The following DAB1 variants were observed in gnomAD, a reference collection of about 807,000 sequenced individuals.
The protein encoded by DAB1 is disabled homolog 1.
Under a neutral mutation model 64.6 loss-of-function variants are expected in DAB1, and 15 were observed. The ratio of observed to expected loss-of-function variants is 0.23; its 90% CI spans 0.16 to 0.36. The LOEUF (loss-of-function observed/expected upper bound fraction) is 0.36. Among genes scored for constraint, DAB1 ranks in the 10% least tolerant of loss-of-function variants. The pLI, the probability that DAB1 is intolerant of heterozygous loss-of-function variation, is 1.00. For missense variants in DAB1, 596 were observed against 706.7 expected (o/e 0.84, Z 1.78); for synonymous variants, 235 against 251.9 (o/e 0.93, Z 0.64).
intron 1 of DAB1, among the ~76,000 whole-genome samples, chr1:57,406,034 C>T (rs1312751444): frequency 6.6e-6 from 1 of 152,218 alleles, no homozygotes; most frequent in Non-Finnish European, 1.5e-5. Flanking sequence ...TGCCACCCCG[C>T]CACTTTATGA....
At chr1:58,247,258 T>TCCCC (rs753824873) in intron 4 of DAB1, among the ~76,000 whole-genome samples, 2 of 112,048 alleles carry the variant, frequency 1.8e-5, no homozygotes, top group East Asian at 3.2e-4. Flanking sequence ...ATTTTTCATT[T>TCCCC]CCCCCCCCGC....
At chr1:58,245,647 G>T (rs1178432694) in intron 4 of DAB1, among the ~76,000 whole-genome samples, 3 of 151,258 alleles carry the variant, frequency 2.0e-5, no homozygotes, top group Non-Finnish European at 2.9e-5. Flanking sequence ...TTTTTTTTCT[G>T]ACCTGACCAA....
intron 4 of DAB1, among the ~76,000 whole-genome samples, chr1:58,172,750 T>A (rs1656246648): frequency 6.6e-6 from 1 of 152,172 alleles, no homozygotes. Flanking sequence ...TAACTGTAGT[T>A]GAAAGTAAGC....
chr1:57,692,655 A>C (rs1646778087), intron 6 of DAB1, among the ~76,000 whole-genome samples: 2 of 152,138 alleles, frequency 1.3e-5, no homozygotes, highest in South Asian at 4.2e-4. Context: ...CTTATGTTGA[A>C]CTTTCAACCT....
At chr1:57,172,807 A>G (rs528605818) in intron 2 of DAB1, among the ~76,000 whole-genome samples, 73 of 152,246 alleles carry the variant, frequency 4.8e-4, no homozygotes, top group African/African-American at 1.6e-3. Flanking sequence ...ATCTCCCATT[A>G]GGCCCCACCT....
intron 2 of DAB1, among the ~76,000 whole-genome samples, chr1:57,259,177 G>C (rs1157628673): frequency 6.6e-6 from 1 of 152,106 alleles, no homozygotes; most frequent in Non-Finnish European, 1.5e-5. Context: ...TTCCCTCTTT[G>C]CAACCAGGCC....
downstream of DAB1, among the ~76,000 whole-genome samples, chr1:57,823,543 A>G (rs1160205134): frequency 6.6e-6 from 1 of 152,142 alleles, no homozygotes; most frequent in African/African-American, 2.4e-5. Context: ...CTAGAAAGAA[A>G]TAGATAATCA....
chr1:57,149,327 C>A (rs1292763607), intron 2 of DAB1, among the ~76,000 whole-genome samples: 3 of 152,260 alleles, frequency 2.0e-5, no homozygotes, highest in South Asian at 4.1e-4. Flanking sequence ...ATATTCAATT[C>A]TCTTAAAATT....
rs1297192273 is a variant in DAB1, at chr1:58,102,909, A to T, written n.387+47602T>A. ...TTGGCAGTAGATAAAGGCAAGGGAC[A>T]GGGCTTACCTTCAGGAACAGAGGGT... On this transcript the variant is annotated intron_variant and non_coding_transcript_variant, in intron 5 of 20. Coordinates refer to the DAB1 transcript ENST00000485760. Among the ~76,000 whole-genome samples the T allele has an allele frequency of 2.6e-5, 4 of 152,332 alleles. 1 individual carries two copies. The South Asian group carries it at 8.3e-4, about 32-fold the overall frequency.
chr1:57,949,568 T>A (rs59439812), intron 5 of DAB1, among the ~76,000 whole-genome samples: 57,198 of 126,948 alleles, frequency 0.45, 11,663 homozygotes, highest in Admixed American at 0.52. Flanking sequence ...ACACACACAA[T>A]ATATATATAT....
intron 1 of DAB1, among the ~76,000 whole-genome samples, chr1:57,348,372 A>T (rs1678291158): frequency 4.6e-5 from 7 of 152,170 alleles, no homozygotes; most frequent in Admixed American, 4.6e-4. Context: ...AGAGTTTAGA[A>T]GGCAAGTCTT....
intron 7 of DAB1, among the ~76,000 whole-genome samples, chr1:57,562,698 A>C (rs1374260779): frequency 1.3e-5 from 2 of 152,016 alleles, no homozygotes; most frequent in Non-Finnish European, 2.9e-5. Flanking sequence ...CCACTAGCAA[A>C]ATTTTTGCTT....
intron 7 of DAB1, among the ~76,000 whole-genome samples, chr1:57,509,188 C>A (rs1432481130): frequency 6.6e-6 from 1 of 152,030 alleles, no homozygotes; most frequent in Non-Finnish European, 1.5e-5. Context: ...TCGCTAAAAC[C>A]TCCTCAAAAG....
intron 6 of DAB1, among the ~76,000 whole-genome samples, chr1:57,653,661 G>A (rs1646282481): frequency 6.6e-6 from 1 of 152,054 alleles, no homozygotes; most frequent in Admixed American, 6.5e-5. Context: ...CACCCAGGCT[G>A]CAGTGAAGTG....
chr1:57,080,940 G>C (rs1652465878), intron 4 of DAB1, among the ~76,000 whole-genome samples: 1 of 152,140 alleles, frequency 6.6e-6, no homozygotes, highest in African/African-American at 2.4e-5. Flanking sequence ...AAAGCCCTTA[G>C]GTGCTAAGGT....
intron 1 of DAB1, among the ~76,000 whole-genome samples, chr1:57,337,413 GTTCT>G (rs2100815814): frequency 6.6e-6 from 1 of 152,206 alleles, no homozygotes; most frequent in East Asian, 1.9e-4. Context: ...TGCATCTGCT[GTTCT>G]CTCTGCCCCA....
At chr1:58,334,651 CATATT>C (rs1400185530) in intron 4 of DAB1, among the ~76,000 whole-genome samples, 227 of 125,748 alleles carry the variant, frequency 1.8e-3, no homozygotes, top group East Asian at 5.8e-3. Context: ...CATATCATAT[CATATT>C]ATATTATATT....
At chr1:58,127,763 T>A (rs1258441603) in intron 5 of DAB1, among the ~76,000 whole-genome samples, 4 of 151,620 alleles carry the variant, frequency 2.6e-5, no homozygotes, top group African/African-American at 4.8e-5. Context: ...AAAGATCACA[T>A]AGTTGTAGAT....
chr1:58,349,239 C>G (rs1354557370), intron 3 of DAB1, among the ~76,000 whole-genome samples: 2 of 152,198 alleles, frequency 1.3e-5, no homozygotes, highest in Non-Finnish European at 2.9e-5. Flanking sequence ...AAATTGCAAA[C>G]AGTCTGGTTT....
Sources: gnomAD v4.1 joint callset for allele counts (sites outside exome capture counted in the v4.1 genomes callset) on GRCh38, gnomAD v4.1.1 for gene constraint, MANE v1.5 for transcripts, NCBI Gene and HGNC (gene_info 2026-07-23, HGNC 2026-07-21) for gene names.